The following ZPBP variants were observed in gnomAD, a reference collection of about 807,000 sequenced individuals.
ZPBP encodes the protein zona pellucida-binding protein 1.
ZPBP carries 26 observed loss-of-function variants against 44.8 expected under a neutral mutation model. The ratio of observed to expected loss-of-function variants is 0.58; its 90% confidence interval spans 0.43 to 0.81. The LOEUF is 0.81. Among genes scored for constraint, ZPBP ranks in the 30% least tolerant of loss-of-function variants. The pLI is 0.00. For missense variants in ZPBP, 409 were observed against 434.0 expected (o/e 0.94, Z 0.51); for synonymous variants, 174 against 153.2 (o/e 1.14, Z -1.00).
intron 7 of ZPBP, among the ~76,000 whole-genome samples, chr7:49,971,237 G>C (rs1408515646): frequency 6.6e-6 from 1 of 151,918 alleles, no homozygotes; most frequent in African/African-American, 2.4e-5. Flanking sequence ...TAAGGAACCA[G>C]GAAAAGGAGA....
chr7:49,979,869 ATATAT>A (rs1056624329), intron 7 of ZPBP, among the ~76,000 whole-genome samples: 2 of 71,154 alleles, frequency 2.8e-5, no homozygotes, highest in Admixed American at 1.6e-4. Context: ...ATATAATATA[ATATAT>A]TATATATTAC....
intron 2 of ZPBP, among the ~76,000 whole-genome samples, chr7:49,897,395 A>C (rs969793627): frequency 2.0e-5 from 3 of 152,324 alleles, no homozygotes; most frequent in Middle Eastern, 3.4e-3. Flanking sequence ...TTTCTTTTAA[A>C]ATATTGATAA....
At chr7:49,907,079 G>A (rs571304564) in intron 1 of ZPBP, among the ~76,000 whole-genome samples, 39 of 152,310 alleles carry the variant, frequency 2.6e-4, no homozygotes, top group African/African-American at 9.4e-4. Flanking sequence ...GTGTATGGAT[G>A]TGGAGTGATA....
At chr7:50,012,429 A>G (rs1434325131) in intron 6 of ZPBP, among the ~76,000 whole-genome samples, 1 of 151,990 alleles carries the variant, frequency 6.6e-6, no homozygotes, top group African/African-American at 2.4e-5. Context: ...AAACAGTTAC[A>G]AGTCATTTTG....
intron 4 of ZPBP, among the ~76,000 whole-genome samples, chr7:50,045,131 G>A (rs978636914): frequency 3.3e-5 from 5 of 152,064 alleles, no homozygotes; most frequent in Admixed American, 1.3e-4. Context: ...AATAAACTAC[G>A]TATTGATGGA....
chr7:49,878,731 C>T (rs887106050), intron 2 of ZPBP, among the ~76,000 whole-genome samples: 2 of 152,092 alleles, frequency 1.3e-5, no homozygotes, highest in Non-Finnish European at 2.9e-5. Flanking sequence ...TGCTCATGCA[C>T]GATTTTCTCC....
At chr7:49,865,043 A>G (rs564665423) in intron 2 of ZPBP, among the ~76,000 whole-genome samples, 140 of 152,318 alleles carry the variant, frequency 9.2e-4, no homozygotes, top group Non-Finnish European at 1.5e-3. Context: ...ATTTATTCTT[A>G]AAGATCTTAT....
intron 6 of ZPBP, among the ~76,000 whole-genome samples, chr7:50,011,785 C>T (rs893679254): frequency 6.6e-6 from 1 of 152,056 alleles, no homozygotes; most frequent in Non-Finnish European, 1.5e-5. Flanking sequence ...GGTGTGGTGG[C>T]TCATGACTGT....
At chr7:50,008,665 C>T (rs1358835081) in intron 6 of ZPBP, among the ~76,000 whole-genome samples, 3 of 152,024 alleles carry the variant, frequency 2.0e-5, no homozygotes, top group Admixed American at 6.6e-5. Context: ...GGCATAAAGA[C>T]AGACAAACAG....
At chr7:50,002,749 C>T (rs79649516) in intron 6 of ZPBP, among the ~76,000 whole-genome samples, 18 of 152,260 alleles carry the variant, frequency 1.2e-4, no homozygotes, top group African/African-American at 4.1e-4. Context: ...ACACACTGCT[C>T]AGATCCTACT....
At chr7:50,042,767 G>T (rs966959581) in intron 4 of ZPBP, among the ~76,000 whole-genome samples, 2 of 152,094 alleles carry the variant, frequency 1.3e-5, no homozygotes, top group African/African-American at 4.8e-5. Flanking sequence ...CAACTAACAG[G>T]CAAAATAACC....
Position 50,058,070 on chromosome 7 carries a change from C to T in ZPBP, c.406G>A (p.Gly136Arg), listed in dbSNP as rs773613963. 1 of 1,613,538 alleles carries T rather than the reference C, an allele frequency of 6.2e-7. No homozygotes were observed. The highest frequency in any genetic ancestry group is 8.5e-7 in the Non-Finnish European group (1 of 1,179,754). ...VFQNFEESMSGIYTCFLEYKP... is the reference protein window; with the variant it reads ...VFQNFEESMSRIYTCFLEYKP... Reference sequence around the variant, plus strand: ...TATTCGAGGAAACATGTATAAATTCCACTCATACTCTCCTCAAAATTTTGG... The same window carrying T: ...TATTCGAGGAAACATGTATAAATTCTACTCATACTCTCCTCAAAATTTTGG... Residue 136 changes from glycine to arginine, a missense_variant, in exon 4 of 8, where the codon GGA becomes AGA. By Grantham distance (125) the Gly-to-Arg change is moderately radical (BLOSUM62 -2). Around this residue, in one of 2 missense-constraint regions of ZPBP, gnomAD observed 367 missense variants for 363.1 expected, o/e 1.01. Coordinates refer to ENST00000046087, the MANE Select transcript of ZPBP (RefSeq NM_007009.3).
At chr7:49,913,509 T>C (rs1478803318) in intron 1 of ZPBP, 1 of 152,190 alleles carries the variant, frequency 6.6e-6, no homozygotes, top group Non-Finnish European at 1.5e-5. Context: ...AGGATTAAAA[T>C]ATATATAATC....
intron 2 of ZPBP, among the ~76,000 whole-genome samples, chr7:49,885,723 A>T (rs571981194): frequency 6.6e-6 from 1 of 152,354 alleles, no homozygotes; most frequent in Non-Finnish European, 1.5e-5. Flanking sequence ...ACGAGGGTGT[A>T]AGAAATTGGG....
At chr7:50,024,396 G>A (rs1443759020) in intron 5 of ZPBP, among the ~76,000 whole-genome samples, 1 of 151,700 alleles carries the variant, frequency 6.6e-6, no homozygotes, top group Non-Finnish European at 1.5e-5. Flanking sequence ...GCCAAGATAT[G>A]GAAATAACCT....
chr7:50,021,690 A>C (rs904478318), intron 5 of ZPBP, among the ~76,000 whole-genome samples: 2 of 152,124 alleles, frequency 1.3e-5, no homozygotes, highest in African/African-American at 4.8e-5. Context: ...AATACAAGGA[A>C]TCCCACACTG....
chr7:49,921,960 T>C (rs1323012782), intron 1 of ZPBP: 1 of 152,200 alleles, frequency 6.6e-6, no homozygotes, highest in South Asian at 2.1e-4. Context: ...AGTTTTGCAC[T>C]TCCAGGTAGA....
chr7:49,925,345 GGT>G (rs1794195560), intron 1 of ZPBP, among the ~76,000 whole-genome samples: 1 of 152,154 alleles, frequency 6.6e-6, no homozygotes, highest in Non-Finnish European at 1.5e-5. Context: ...GTGGATGATT[GGT>G]GTCCCTGGGG....
In ZPBP at chr7:50,036,698, A is replaced by G. The variant is rs377030181; in HGVS notation, c.488-5388T>C. 6.6e-5 allele frequency among the ~76,000 whole-genome samples: 10 copies of G among 152,328 alleles called. No homozygotes were observed. The South Asian group carries it at 1.0e-3, about 16-fold the overall frequency. On this transcript the variant is annotated intron_variant, in intron 4 of 7. Coordinates refer to ENST00000046087, the MANE Select transcript of ZPBP (RefSeq NM_007009.3). ...TAAATATTTAGAAATGATGATAAAC[A>G]TATCAGTAATTGTGGGATGCAATTA... is the stretch of plus-strand genomic sequence containing the variant.
Sources: gnomAD v4.1 joint callset for allele counts (sites outside exome capture counted in the v4.1 genomes callset) on GRCh38, gnomAD v4.1.1 for gene constraint, gnomAD v4.1.1 regional missense constraint, MANE v1.5 for transcripts, NCBI Gene and HGNC (gene_info 2026-07-23, HGNC 2026-07-21) for gene names.